RBFOX1: variants seen among roughly 807,000 people sequenced by gnomAD.
RBFOX1 encodes the protein RNA binding protein fox-1 homolog 1.
Under a neutral mutation model 57.7 loss-of-function variants are expected in RBFOX1, and 8 were observed. That is an observed-to-expected ratio of 0.14 (90% CI 0.08 to 0.25). The LOEUF is 0.25. Ranked by LOEUF, RBFOX1 falls within the 10% of genes least tolerant of loss-of-function variation. The pLI, the probability that RBFOX1 is intolerant of heterozygous loss-of-function variation, is 1.00. For synonymous variants in RBFOX1, 326 were observed against 222.4 expected, an observed-to-expected ratio of 1.47 and a Z score of -4.15; for missense variants, 611 against 548.5, an observed-to-expected ratio of 1.11 and a Z score of -1.14.
At chr16:5,732,316 C>T (rs1302207447) in intron 3 of RBFOX1, among the ~76,000 whole-genome samples, 4 of 152,164 alleles carry the variant, frequency 2.6e-5, no homozygotes, top group African/African-American at 7.2e-5. Context: ...CAAGAGGGAA[C>T]GTACCTTCTT....
intron 1 of RBFOX1, among the ~76,000 whole-genome samples, chr16:6,215,798 A>G (rs532433605): frequency 3.3e-5 from 5 of 152,258 alleles, no homozygotes; most frequent in African/African-American, 1.2e-4. Flanking sequence ...GTTTTCTTAC[A>G]TGGAGAAAGG....
chr16:5,590,461 C>T (rs748254004), intron 2 of RBFOX1, among the ~76,000 whole-genome samples: 3 of 152,120 alleles, frequency 2.0e-5, no homozygotes, highest in Non-Finnish European at 4.4e-5. Context: ...GCATTTCCTA[C>T]GAAGGGCTGG....
chr16:6,362,634 T>G (rs921229458), intron 2 of RBFOX1, among the ~76,000 whole-genome samples: 1 of 152,230 alleles, frequency 6.6e-6, no homozygotes, highest in Non-Finnish European at 1.5e-5. Flanking sequence ...GATGGCTTCA[T>G]AGACTGATAC....
intron 4 of RBFOX1, among the ~76,000 whole-genome samples, chr16:7,289,977 C>G (rs1454837108): frequency 6.6e-6 from 1 of 152,144 alleles, no homozygotes; most frequent in Middle Eastern, 3.4e-3. Context: ...CTCTGTGGCC[C>G]CAGAATAAGC....
intron 4 of RBFOX1, among the ~76,000 whole-genome samples, chr16:7,058,123 G>C (rs1476750224): frequency 6.6e-6 from 1 of 151,994 alleles, no homozygotes; most frequent in South Asian, 2.1e-4. Context: ...CCAACTGCTA[G>C]CTCTGTATTT....
At chr16:6,732,338 A>T (rs2068836746) in intron 3 of RBFOX1, among the ~76,000 whole-genome samples, 1 of 152,306 alleles carries the variant, frequency 6.6e-6, no homozygotes, top group South Asian at 2.1e-4. Flanking sequence ...GATTCTCACG[A>T]GAGAGTGAGT....
chr16:6,780,546 A>G (rs1227838286), intron 3 of RBFOX1, among the ~76,000 whole-genome samples: 3 of 121,504 alleles, frequency 2.5e-5, no homozygotes, highest in African/African-American at 3.5e-5. Flanking sequence ...ATACATTTAC[A>G]TATATATTTA....
chr16:6,666,210 T>A (rs910904873), intron 3 of RBFOX1, among the ~76,000 whole-genome samples: 6 of 152,106 alleles, frequency 3.9e-5, no homozygotes, highest in Admixed American at 3.9e-4. Context: ...ATCAGCAGCG[T>A]GAAAACAGAC....
chr16:5,428,698 G>A (rs1046401942), intron 1 of RBFOX1, among the ~76,000 whole-genome samples: 1 of 152,132 alleles, frequency 6.6e-6, no homozygotes, highest in Non-Finnish European at 1.5e-5. Flanking sequence ...GACATCTGGG[G>A]GAAAGTGTAG....
chr16:7,045,459 T>G (rs1238339285), intron 3 of RBFOX1, among the ~76,000 whole-genome samples: 1 of 152,206 alleles, frequency 6.6e-6, no homozygotes. Context: ...ACAGCATGGC[T>G]ATTTCCTTGG....
intron 4 of RBFOX1, among the ~76,000 whole-genome samples, chr16:7,347,771 G>A (rs896077941): frequency 2.6e-5 from 4 of 152,088 alleles, no homozygotes; most frequent in Non-Finnish European, 5.9e-5. Context: ...AACTATGCCC[G>A]AGACCCCCAT....
chr16:7,034,161 A>G (rs1041189030), intron 3 of RBFOX1, among the ~76,000 whole-genome samples: 6 of 152,056 alleles, frequency 3.9e-5, no homozygotes, highest in Non-Finnish European at 7.4e-5. Flanking sequence ...CTGGTTCTGG[A>G]TTCAAATAGC....
chr16:6,209,684 C>G (rs999216434), intron 1 of RBFOX1, among the ~76,000 whole-genome samples: 21 of 152,210 alleles, frequency 1.4e-4, no homozygotes, highest in Non-Finnish European at 4.4e-5. Context: ...TAAGCACAGA[C>G]TGTCTGATCT....
At chr16:6,214,743 GA>G (rs2097322786) in intron 1 of RBFOX1, among the ~76,000 whole-genome samples, 2 of 120,722 alleles carry the variant, frequency 1.7e-5, no homozygotes, top group East Asian at 3.0e-4. Flanking sequence ...AGGAGAGGGA[GA>G]AGGAGAAGGG....
At chr16:5,847,775 C>A (rs1020607868) in intron 3 of RBFOX1, among the ~76,000 whole-genome samples, 1 of 152,064 alleles carries the variant, frequency 6.6e-6, no homozygotes, top group Non-Finnish European at 1.5e-5. Flanking sequence ...AACATTATAG[C>A]CACCTCTTAG....
At chr16:5,458,040 G>A (rs1323731561) in intron 1 of RBFOX1, among the ~76,000 whole-genome samples, 1 of 151,960 alleles carries the variant, frequency 6.6e-6, no homozygotes, top group East Asian at 1.9e-4. Context: ...TGTCTTCTGG[G>A]CAGAAAAAAA....
At chr16:7,132,426 A>G (rs1377859682) in intron 4 of RBFOX1, among the ~76,000 whole-genome samples, 1 of 134,470 alleles carries the variant, frequency 7.4e-6, no homozygotes, top group Non-Finnish European at 1.5e-5. Flanking sequence ...AGAAATTGTG[A>G]TACACAGACA....
intron 1 of RBFOX1, chr16:5,289,314 TC>T: frequency 4.9e-6 from 2 of 411,164 alleles, no homozygotes; most frequent in South Asian, 3.0e-5. Flanking sequence ...TCAGCCTCAT[TC>T]CAGGAGCAGG....
intron 3 of RBFOX1, among the ~76,000 whole-genome samples, chr16:7,041,082 A>ATT (rs61569211): frequency 0.081 from 8,853 of 108,696 alleles, 441 homozygotes; most frequent in African/African-American, 0.14. Context: ...CGCCCAGCTA[A>ATT]TTTTTTTTTT....
Sources: allele counts gnomAD v4.1 joint callset (sites outside exome capture counted in the v4.1 genomes callset), GRCh38; gene constraint gnomAD v4.1.1; transcripts MANE v1.5; gene names NCBI Gene and HGNC (gene_info 2026-07-23, HGNC 2026-07-21).